Variants in CREB5 observed in about 807,000 individuals in gnomAD.
The protein encoded by CREB5 is cAMP responsive element binding protein 5.
CREB5 carries 19 observed loss-of-function variants against 57.1 expected under a neutral mutation model. The observed-to-expected ratio is 0.33, with a 90% CI of 0.23 to 0.49. The LOEUF is 0.49. Ranked by LOEUF, CREB5 falls within the 20% of genes least tolerant of loss-of-function variation. CREB5 has a pLI of 0.99. For missense variants in CREB5, 579 were observed against 671.6 expected (o/e 0.86, Z 1.52); for synonymous variants, 238 against 238.3 (o/e 1.00, Z 0.01).
rs1034602650 is a variant in CREB5 at position 28,448,459 on chromosome 7, C to T, written c.3+35542C>T. Among the ~76,000 whole-genome samples the T allele has an allele frequency of 7.9e-5, 12 of 152,298 alleles. 2 individuals carry two copies. Among genetic ancestry groups the T allele is most frequent in the African/African-American group, 2.9e-4 (12 of 41,574 alleles). ...GCTCAGTTTGGCCCTGGCAAGACACCAATGCAGGCTCTTGGTTCTCTGGGC... is the reference window on the plus strand; with the variant it reads ...GCTCAGTTTGGCCCTGGCAAGACACTAATGCAGGCTCTTGGTTCTCTGGGC... On this transcript the variant is annotated intron_variant, in intron 1 of 10. Transcript: ENST00000357727.
At chr7:28,309,390 C>G (rs979251106) in intron 1 of CREB5, among the ~76,000 whole-genome samples, 4 of 152,188 alleles carry the variant, frequency 2.6e-5, no homozygotes, top group African/African-American at 9.7e-5. Context: ...CCCCTCTTTT[C>G]TCTTGATGCC....
intron 5 of CREB5, among the ~76,000 whole-genome samples, chr7:28,680,253 A>G (rs1427364104): frequency 2.6e-5 from 4 of 152,066 alleles, no homozygotes; most frequent in African/African-American, 9.7e-5. Context: ...TCCTTTAACC[A>G]AGGTTCCCCA....
chr7:28,381,919 G>A (rs1252241436), intron 1 of CREB5, among the ~76,000 whole-genome samples: 1 of 152,174 alleles, frequency 6.6e-6, no homozygotes, highest in African/African-American at 2.4e-5. Flanking sequence ...TTTGTTACGG[G>A]AATTGGCTCA....
At chr7:28,655,941 C>G (rs1468348121) in intron 5 of CREB5, among the ~76,000 whole-genome samples, 1 of 152,014 alleles carries the variant, frequency 6.6e-6, no homozygotes, top group Non-Finnish European at 1.5e-5. Flanking sequence ...TAATCCCCAT[C>G]AAGGCCAACA....
chr7:28,595,873 T>C (rs1031856952), intron 5 of CREB5, among the ~76,000 whole-genome samples: 3 of 152,238 alleles, frequency 2.0e-5, no homozygotes, highest in African/African-American at 7.2e-5. Context: ...GCTACCCCAG[T>C]TGAAGTTCTC....
At chr7:28,666,479 G>A (rs1799828533) in intron 5 of CREB5, among the ~76,000 whole-genome samples, 1 of 152,096 alleles carries the variant, frequency 6.6e-6, no homozygotes, top group South Asian at 2.1e-4. Context: ...GATGTTAACG[G>A]ATCCTTTACA....
intron 4 of CREB5, among the ~76,000 whole-genome samples, chr7:28,514,980 G>T (rs1444936450): frequency 1.3e-5 from 2 of 151,810 alleles, no homozygotes; most frequent in East Asian, 1.9e-4. Context: ...AGACTATTGT[G>T]TTGGAAATAT....
At chr7:28,642,975 C>CACACAT (rs1554279304) in intron 5 of CREB5, among the ~76,000 whole-genome samples, 109 of 89,546 alleles carry the variant, frequency 1.2e-3, no homozygotes, top group African/African-American at 4.0e-3. Context: ...CACACACACA[C>CACACAT]ACACACACAC....
At chr7:28,698,354 CA>C (rs10611948) in intron 5 of CREB5, among the ~76,000 whole-genome samples, 59,813 of 122,488 alleles carry the variant, frequency 0.49, 13,209 homozygotes, top group South Asian at 0.56. Flanking sequence ...CACTCCCCAC[CA>C]AAAAAAAAAA....
At chr7:28,444,132 T>A (rs1789319373) in intron 1 of CREB5, among the ~76,000 whole-genome samples, 1 of 152,238 alleles carries the variant, frequency 6.6e-6, no homozygotes, top group African/African-American at 2.4e-5. Flanking sequence ...CACCGTTTTA[T>A]GCTTGTATAA....
At chr7:28,568,846 G>A (rs187953961) in intron 4 of CREB5, among the ~76,000 whole-genome samples, 49 of 152,310 alleles carry the variant, frequency 3.2e-4, no homozygotes, top group Admixed American at 2.4e-3. Flanking sequence ...TATCACCATC[G>A]TTTAACACGT....
chr7:28,438,713 G>C (rs2192303), intron 1 of CREB5, among the ~76,000 whole-genome samples: 48,880 of 152,082 alleles, frequency 0.32, 8,386 homozygotes, highest in Middle Eastern at 0.39. Flanking sequence ...ACTGATCTCT[G>C]TTATTACATT....
chr7:28,781,135 ACT>A (rs1806947985), intron 7 of CREB5, among the ~76,000 whole-genome samples: 1 of 152,090 alleles, frequency 6.6e-6, no homozygotes, highest in Non-Finnish European at 1.5e-5. Context: ...AGCTAAGTCG[ACT>A]CTCTGAGCAA....
chr7:28,597,580 C>G (rs1229839931), intron 5 of CREB5, among the ~76,000 whole-genome samples: 1 of 152,136 alleles, frequency 6.6e-6, no homozygotes, highest in Non-Finnish European at 1.5e-5. Context: ...TGGGAGGAGT[C>G]CAAGGTCAGT....
At chr7:28,581,567 C>G (rs946890683) in intron 5 of CREB5, among the ~76,000 whole-genome samples, 13 of 152,190 alleles carry the variant, frequency 8.5e-5, no homozygotes, top group African/African-American at 3.1e-4. Flanking sequence ...TCTCTCCTCC[C>G]CTTTACCTCT....
intron 4 of CREB5, among the ~76,000 whole-genome samples, chr7:28,538,000 C>T (rs1794035277): frequency 6.6e-6 from 1 of 152,128 alleles, no homozygotes. Context: ...CTGTATGTTG[C>T]CTCCATGGTT....
At chr7:28,481,162 C>T (rs1398526666) in intron 1 of CREB5, among the ~76,000 whole-genome samples, 53 of 152,140 alleles carry the variant, frequency 3.5e-4, no homozygotes, top group Non-Finnish European at 2.9e-5. Flanking sequence ...GGTTAGTTTC[C>T]AGAGACAAAA....
At chr7:28,780,413 T>TGAATC (rs1806906458) in intron 7 of CREB5, among the ~76,000 whole-genome samples, 1 of 152,206 alleles carries the variant, frequency 6.6e-6, no homozygotes, top group Admixed American at 6.5e-5. Context: ...ACGTAATTAA[T>TGAATC]CCTATATTAA....
intron 1 of CREB5, among the ~76,000 whole-genome samples, chr7:28,317,677 TTAAA>T (rs149053315): frequency 0.02 from 3,079 of 152,340 alleles, 70 homozygotes; most frequent in Admixed American, 0.056. Flanking sequence ...GTTGAGAGAA[TTAAA>T]TTAGGTAATC....
Sources: allele counts gnomAD v4.1 joint callset (sites outside exome capture counted in the v4.1 genomes callset), GRCh38; gene constraint gnomAD v4.1.1; transcripts MANE v1.5; gene names NCBI Gene and HGNC (gene_info 2026-07-23, HGNC 2026-07-21).